The following P2RX5 variants were observed in gnomAD, a reference collection of about 807,000 sequenced individuals.
P2RX5 encodes purinergic receptor P2X 5.
Under a neutral mutation model 54.1 loss-of-function variants are expected in P2RX5, and 46 were observed. The ratio of observed to expected loss-of-function variants is 0.85; its 90% CI spans 0.67 to 1.09. The LOEUF (loss-of-function observed/expected upper bound fraction) is 1.09, where lower values mean the gene tolerates loss of function less well. P2RX5 is among the 50% of genes least tolerant of loss of function. The pLI is 0.00. For missense variants in P2RX5, 566 were observed against 549.8 expected (o/e 1.03, Z -0.29); for synonymous variants, 226 against 226.4 (o/e 1.00, Z 0.02).
At chr17:3,691,560 C>T (rs529405613) in intron 2 of P2RX5, 84 bp downstream of exon 2, 11 of 1,530,126 alleles carry the variant, frequency 7.2e-6, no homozygotes, top group Middle Eastern at 1.9e-4. Context: ...GGGGTCCCTG[C>T]GTATCCAAGA....
chr17:3,696,268 TTCCTCC>T (rs113006222), upstream of P2RX5: 22 of 257,636 alleles, frequency 8.5e-5, no homozygotes, highest in East Asian at 1.6e-4. Flanking sequence ...CTACCTCTTC[TTCCTCC>T]TCCTCCTCCT....
chr17:3,691,573 C>G, intron 2 of P2RX5, 71 bp downstream of exon 2: 1 of 1,590,428 alleles, frequency 6.3e-7, no homozygotes, highest in Non-Finnish European at 8.6e-7. Flanking sequence ...ATCCAAGAAG[C>G]TTCCCGTGTG....
At chr17:3,676,644 A>T in intron 11 of P2RX5, 1 of 977,250 alleles carries the variant, frequency 1.0e-6, no homozygotes, top group African/African-American at 1.8e-5. Context: ...AGGGCTTCTT[A>T]AATGTCACTG....
the P2RX5 span, chr17:3,723,335 C>T: frequency 1.8e-5 from 29 of 1,613,956 alleles, no homozygotes; most frequent in Non-Finnish European, 2.3e-5. Context: ...GTGACATTTT[C>T]TTTATCTGAA....
chr17:3,676,415 G>A (rs1037298959), intron 11 of P2RX5: 65 of 983,144 alleles, frequency 6.6e-5, no homozygotes, highest in Non-Finnish European at 7.2e-5. Flanking sequence ...TGGGGAACCG[G>A]GAGGACGGAG....
chr17:3,683,082 C>T (rs915123612), intron 9 of P2RX5, among the ~76,000 whole-genome samples: 2 of 152,066 alleles, frequency 1.3e-5, no homozygotes, highest in African/African-American at 4.8e-5. Flanking sequence ...ATGAGGTGGA[C>T]GACCCCAGCT....
chr17:3,690,886 AAG>A, intron 3 of P2RX5, 68 bp downstream of exon 3: 1 of 1,398,512 alleles, frequency 7.2e-7, no homozygotes, highest in East Asian at 2.4e-5. Flanking sequence ...CTTGCTTCAG[AAG>A]AGAGTAGACC....
upstream of P2RX5, among the ~76,000 whole-genome samples, chr17:3,700,950 C>T (rs141702207): frequency 1.5e-3 from 232 of 152,284 alleles, 3 homozygotes; most frequent in East Asian, 0.018. Context: ...GGGCGAATGG[C>T]TGGTGTTCAG....
the P2RX5 span, among the ~76,000 whole-genome samples, chr17:3,713,090 G>A: frequency 1.7e-3 from 255 of 152,300 alleles, 1 homozygote; most frequent in Non-Finnish European, 1.6e-3. Flanking sequence ...CAGGTCAGGC[G>A]CAGTGGCTCA....
At chr17:3,692,318 A>G (rs1433181870) in intron 1 of P2RX5, among the ~76,000 whole-genome samples, 1 of 151,992 alleles carries the variant, frequency 6.6e-6, no homozygotes, top group African/African-American at 2.4e-5. Context: ...TTCTGTCTCA[A>G]AAAATAAATA....
At position 3,688,046 on chromosome 17, in the gene P2RX5, T is replaced by C. The variant is rs765285029; in HGVS notation, c.947A>G (p.Tyr316Cys). Residue 316 changes from tyrosine to cysteine, a missense_variant, in exon 9 of 12, where the codon TAC becomes TGC. Physicochemically the swap from Tyr to Cys is radical, Grantham distance 194. Coordinates refer to ENST00000225328, the MANE Select transcript of P2RX5 (RefSeq NM_002561.4). ...GVEFRTLMKA[Y>C]GIRFDVMVNG... Reference sequence around the variant, plus strand: ...CACCATCACGTCAAAGCGGATCCCGTAGGCTTTCATCAGGGTGCGGAACTC... The same window carrying C: ...CACCATCACGTCAAAGCGGATCCCGCAGGCTTTCATCAGGGTGCGGAACTC... 8 of 1,592,536 alleles carry C rather than the reference T, an allele frequency of 5.0e-6. No homozygotes were observed. Among genetic ancestry groups the C allele is most frequent in the Admixed American group, 1.7e-5 (1 of 58,506 alleles).
chr17:3,716,047 C>G, the P2RX5 span, among the ~76,000 whole-genome samples: 1 of 151,812 alleles, frequency 6.6e-6, no homozygotes, highest in African/African-American at 2.4e-5. Flanking sequence ...ATCCCAGCTA[C>G]TCAGGAGGCT....
the P2RX5 span, chr17:3,720,379 C>A: frequency 6.4e-7 from 1 of 1,560,400 alleles, no homozygotes; most frequent in Non-Finnish European, 8.8e-7. Context: ...CAAGGATCTG[C>A]AGTTCAGTTA....
the P2RX5 span, chr17:3,723,821 T>C: frequency 1.0e-5 from 16 of 1,563,752 alleles, no homozygotes; most frequent in East Asian, 2.3e-5. Context: ...GCCCCGGCCC[T>C]GGCGAGGTGC....
chr17:3,722,496 A>G, the P2RX5 span: 23 of 152,710 alleles, frequency 1.5e-4, no homozygotes, highest in East Asian at 1.1e-3. Context: ...AAAAAAAAAA[A>G]AAAGAAAAGA....
the P2RX5 span, among the ~76,000 whole-genome samples, chr17:3,701,696 G>GAAAAAAAAAAA: frequency 2.7e-5 from 2 of 73,412 alleles, no homozygotes; most frequent in African/African-American, 1.2e-4. Context: ...CTCTGTCTCA[G>GAAAAAAAAAAA]AAAAAAAAAA....
the P2RX5 span, chr17:3,714,566 C>T: frequency 2.1e-5 from 6 of 285,794 alleles, no homozygotes; most frequent in Non-Finnish European, 3.9e-5. Context: ...AAAACTTGCC[C>T]TATCAGGCAA....
intron 9 of P2RX5, chr17:3,685,657 T>TCCCCCCCCCCCCCG (rs543421315): frequency 1.1e-4 from 8 of 75,844 alleles, no homozygotes; most frequent in Non-Finnish European, 1.7e-4. Flanking sequence ...AGCGTCCCCC[T>TCCCCCCCCCCCCCG]CCCAGCCTGA....
intron 11 of P2RX5, chr17:3,677,836 C>T (rs2050139078): frequency 8.1e-6 from 8 of 985,412 alleles, no homozygotes; most frequent in Non-Finnish European, 8.4e-6. Context: ...CCTGGCCTGT[C>T]CCTTTCCCTG....
Sources: allele counts gnomAD v4.1 joint callset (sites outside exome capture counted in the v4.1 genomes callset), GRCh38; gene constraint gnomAD v4.1.1; transcripts MANE v1.5; gene names NCBI Gene and HGNC (gene_info 2026-07-23, HGNC 2026-07-21).